Variants in GALNS observed in about 807,000 individuals in gnomAD.
The protein encoded by GALNS is galactosamine (N-acetyl)-6-sulfatase.
Under a neutral mutation model 65.9 loss-of-function variants are expected in GALNS, and 65 were observed. The ratio of observed to expected loss-of-function variants is 0.99; its 90% CI spans 0.81 to 1.21. The LOEUF is 1.21. Among genes scored for constraint, GALNS ranks in the 50% most tolerant of loss-of-function variants. The pLI, the probability that GALNS is intolerant of heterozygous loss-of-function variation, is 0.00. For synonymous variants in GALNS, 346 were observed against 288.9 expected, an observed-to-expected ratio of 1.20 and a Z score of -2.00; for missense variants, 776 against 700.7, an observed-to-expected ratio of 1.11 and a Z score of -1.21.
chr16:88,848,574 A>G (rs1189471629), intron 1 of GALNS, among the ~76,000 whole-genome samples: 1 of 151,176 alleles, frequency 6.6e-6, no homozygotes, highest in Admixed American at 6.6e-5. Context: ...TCCGTCTGAA[A>G]AAAAAAAAAA....
At chr16:88,822,255 G>A (rs1361357352) in intron 12 of GALNS, among the ~76,000 whole-genome samples, 3 of 152,178 alleles carry the variant, frequency 2.0e-5, no homozygotes, top group African/African-American at 4.8e-5. Flanking sequence ...GCTGACCTGT[G>A]TCCTTGTACC....
chr16:88,814,911 T>C, intron 13 of GALNS: 1 of 471,754 alleles, frequency 2.1e-6, no homozygotes, highest in African/African-American at 2.1e-5. Context: ...TTTTGTATTT[T>C]TGGTAGAGAC....
chr16:88,826,886 A>C (rs1207988434), intron 9 of GALNS, 48 bp from the exon 10 acceptor site: 1 of 1,550,862 alleles, frequency 6.4e-7, no homozygotes, highest in South Asian at 1.2e-5. Context: ...CACCGACCCG[A>C]TGGGGCTGGG....
rs199726408 is a variant in GALNS at position 88,836,189 on chromosome 16, G to A, written c.633+12C>T. 145 of 1,611,584 alleles carry A rather than the reference G, an allele frequency of 9.0e-5. No homozygotes were observed. Among genetic ancestry groups the A allele is most frequent in the Middle Eastern group, 5.0e-4 (3 of 6,060 alleles). On this transcript the variant is annotated intron_variant, in intron 6 of 13. Transcript: ENST00000268695. ...GCGTCCCACAGGGCGAGGATGGTGC[G>A]GTCCCCATCACCTGCAGGTAGATCT...
intron 8 of GALNS, 142 bp from the exon 9 acceptor site, chr16:88,832,243 C>G (rs1424627227): frequency 3.9e-6 from 3 of 766,510 alleles, no homozygotes; most frequent in Non-Finnish European, 6.8e-6. Flanking sequence ...TGATCCGAGC[C>G]TCGGGGTGGC....
chr16:88,844,968 T>C (rs1020756286), intron 1 of GALNS: 2 of 152,254 alleles, frequency 1.3e-5, no homozygotes, highest in African/African-American at 4.8e-5. Context: ...TTTCATATAA[T>C]TTTTCATGTC....
At chr16:88,839,624 T>C (rs565879088) in intron 4 of GALNS, among the ~76,000 whole-genome samples, 8 of 152,268 alleles carry the variant, frequency 5.3e-5, no homozygotes, top group South Asian at 2.1e-4. Context: ...GAGGGGACCC[T>C]GCTGGGATAG....
intron 13 of GALNS, chr16:88,815,428 C>G: frequency 3.0e-6 from 3 of 985,498 alleles, no homozygotes; most frequent in Non-Finnish European, 3.6e-6. Context: ...GGGCTCAGTT[C>G]AGTGCGGTGC....
At chr16:88,829,656 C>T (rs1167354745) in intron 9 of GALNS, among the ~76,000 whole-genome samples, 2 of 152,224 alleles carry the variant, frequency 1.3e-5, no homozygotes, top group African/African-American at 2.4e-5. Flanking sequence ...GGCAGGAGTG[C>T]AGGATCCACA....
chr16:88,833,372 G>A (rs201283528), intron 8 of GALNS, among the ~76,000 whole-genome samples: 1 of 152,038 alleles, frequency 6.6e-6, no homozygotes, highest in Admixed American at 6.5e-5. Flanking sequence ...GCCACTTCTA[G>A]GGGACACTCA....
chr16:88,848,181 G>C (rs1597592595), intron 1 of GALNS, among the ~76,000 whole-genome samples: 1 of 152,178 alleles, frequency 6.6e-6, no homozygotes, highest in Non-Finnish European at 1.5e-5. Context: ...CAGGGGCTTC[G>C]GGGAGCACAA....
chr16:88,817,338 T>C (rs1909736464), intron 13 of GALNS: 9 of 985,370 alleles, frequency 9.1e-6, no homozygotes, highest in Non-Finnish European at 1.1e-5. Flanking sequence ...GATGCTGGCG[T>C]GATGAGGCCG....
At position 88,830,281 on chromosome 16, in the gene GALNS, G is replaced by C. The variant is rs535813830; in HGVS notation, c.1002+1717C>G. Among the ~76,000 whole-genome samples the C allele has an allele frequency of 4.1e-5, 6 of 146,816 alleles. No homozygotes were observed. In the South Asian group the frequency reaches 1.1e-3, roughly 27 times the overall value. Reference sequence around the variant, plus strand: ...ACGTGGAACAGGAAGGCCAGGGACAGATGCCTGCGTGCTGCTGGCTTTGAC... The same window carrying C: ...ACGTGGAACAGGAAGGCCAGGGACACATGCCTGCGTGCTGCTGGCTTTGAC... On this transcript the variant is annotated intron_variant, in intron 9 of 13. Transcript: ENST00000268695.
chr16:88,840,682 A>C, intron 4 of GALNS: 1 of 436,202 alleles, frequency 2.3e-6, no homozygotes, highest in Non-Finnish European at 4.3e-6. Flanking sequence ...ACGTGGCAGG[A>C]GGCAGCCGGG....
At chr16:88,826,236 G>T (rs1269628111) in intron 10 of GALNS, among the ~76,000 whole-genome samples, 2 of 151,142 alleles carry the variant, frequency 1.3e-5, no homozygotes, top group Non-Finnish European at 3.0e-5. Context: ...CAGGCAACAG[G>T]GGTGGGGCAG....
chr16:88,839,113 G>A (rs183165896), intron 4 of GALNS, among the ~76,000 whole-genome samples: 4 of 151,974 alleles, frequency 2.6e-5, no homozygotes, highest in African/African-American at 7.2e-5. Flanking sequence ...GTGCGTCCAC[G>A]TCCGCAGGTC....
At chr16:88,841,836 C>T (rs1252512353) in intron 3 of GALNS, 61 bp downstream of exon 3, 5 of 1,469,336 alleles carry the variant, frequency 3.4e-6, no homozygotes, top group East Asian at 2.4e-5. Context: ...GGGCACCACC[C>T]GTAGCCCACC....
chr16:88,856,772 G>A lies in GALNS; in HGVS notation c.106C>T (p.Leu36=), dbSNP rs779849307. ...GAPQPPNILL[L]LMDDMGWGDL... The stretch of plus-strand genomic sequence containing the variant: ...CCCGCACTCACGTCGTCCATGAGCA[G>A]GAGCAGGATGTTGGGGGGCTGCGGG... The change falls in exon 1 of 14, where the codon CTG becomes TTG. Residue 36 remains leucine (L), a synonymous_variant. Transcript: ENST00000268695. The A allele has an allele frequency of 3.2e-6, 5 of 1,541,316 alleles. No individual in the cohort carries two copies. The highest frequency in any genetic ancestry group is 4.3e-6 in the Non-Finnish European group (5 of 1,152,590).
At chr16:88,826,870 A>G in intron 9 of GALNS, 32 bp from the exon 10 acceptor site, 1 of 1,555,900 alleles carries the variant, frequency 6.4e-7, no homozygotes, top group Non-Finnish European at 8.7e-7. Flanking sequence ...CGGTCAGGGC[A>G]CTCTGCACCG....
Sources: gnomAD v4.1 joint callset for allele counts (sites outside exome capture counted in the v4.1 genomes callset) on GRCh38, gnomAD v4.1.1 for gene constraint, MANE v1.5 for transcripts, NCBI Gene and HGNC (gene_info 2026-07-23, HGNC 2026-07-21) for gene names.